The following MICU3 variants were observed in gnomAD, a reference collection of about 807,000 sequenced individuals.
MICU3 encodes calcium uptake protein 3, mitochondrial.
A neutral mutation model predicts 66.5 loss-of-function variants in MICU3; 62 were observed. The observed-to-expected ratio is 0.93, with a 90% CI of 0.76 to 1.15. MICU3 has a LOEUF of 1.15. Ranked by LOEUF, MICU3 falls within the 50% of genes most tolerant of loss-of-function variation. MICU3 has a pLI of 0.00. For synonymous variants in MICU3, 308 were observed against 240.7 expected (o/e 1.28, Z -2.59); for missense variants, 779 against 664.4 (o/e 1.17, Z -1.90).
At chr8:17,037,851 A>G (rs1436814289) in intron 1 of MICU3, among the ~76,000 whole-genome samples, 2 of 152,188 alleles carry the variant, frequency 1.3e-5, no homozygotes. Context: ...TGTGACCTGG[A>G]TGTGAGACAT....
chr8:17,042,392 T>C (rs955984886), intron 1 of MICU3, among the ~76,000 whole-genome samples: 3 of 152,240 alleles, frequency 2.0e-5, no homozygotes, highest in Non-Finnish European at 4.4e-5. Context: ...AAAATGTGTT[T>C]AAAAAATCAA....
intron 11 of MICU3, among the ~76,000 whole-genome samples, chr8:17,106,162 C>T (rs1185746309): frequency 6.6e-6 from 1 of 151,888 alleles, no homozygotes; most frequent in East Asian, 1.9e-4. Flanking sequence ...TGCATCATTG[C>T]CACCAAATAG....
At chr8:17,116,048 C>G (rs1390758058) in intron 12 of MICU3, among the ~76,000 whole-genome samples, 1 of 152,240 alleles carries the variant, frequency 6.6e-6, no homozygotes, top group Non-Finnish European at 1.5e-5. Flanking sequence ...GATCACTCAT[C>G]TCCAGATTCT....
intron 2 of MICU3, 27 bp downstream of exon 2, chr8:17,064,264 A>G: frequency 6.4e-7 from 1 of 1,560,174 alleles, no homozygotes; most frequent in Non-Finnish European, 8.7e-7. Flanking sequence ...AATTATCTTA[A>G]TAATTGTATA....
chr8:17,111,492 T>C (rs571227110), intron 11 of MICU3, among the ~76,000 whole-genome samples: 66 of 152,246 alleles, frequency 4.3e-4, no homozygotes, highest in African/African-American at 1.5e-3. Flanking sequence ...CAGCTAATTT[T>C]GATAGTGTTC....
At position 17,064,082 on chromosome 8, in the gene MICU3, A is replaced by G. The variant is rs1818297311; in HGVS notation, c.382-2A>G. The stretch of plus-strand genomic sequence containing the variant: ...CAAATGTATTTGCTTTCTTAACTTT[A>G]GGTTGCTATTGGCAGAACAGACATT... On this transcript the variant is annotated splice_acceptor_variant, in intron 1 of 14. Coordinates refer to ENST00000318063, the MANE Select transcript of MICU3 (RefSeq NM_181723.3). LOFTEE classifies it high-confidence loss of function. The G allele has an allele frequency of 2.5e-6, 4 of 1,606,192 alleles. No homozygotes were observed. Among genetic ancestry groups the G allele is most frequent in the Non-Finnish European group, 3.4e-6 (4 of 1,176,260 alleles).
At chr8:17,050,783 T>G (rs2048696234) in intron 1 of MICU3, among the ~76,000 whole-genome samples, 1 of 152,200 alleles carries the variant, frequency 6.6e-6, no homozygotes, top group African/African-American at 2.4e-5. Flanking sequence ...GGGTAATGTT[T>G]AACAGTGACT....
At chr8:17,062,200 G>A (rs72607367) in intron 1 of MICU3, among the ~76,000 whole-genome samples, 13,234 of 152,218 alleles carry the variant, frequency 0.087, 909 homozygotes, top group East Asian at 0.38. Flanking sequence ...AACTCCACAT[G>A]TTCATATCTT....
intron 3 of MICU3, among the ~76,000 whole-genome samples, chr8:17,076,747 ATGT>A (rs764212554): frequency 6.6e-6 from 1 of 152,202 alleles, no homozygotes; most frequent in Non-Finnish European, 1.5e-5. Flanking sequence ...AAATTAGAAG[ATGT>A]TGTTAAAAAT....
chr8:17,130,064 C>G, the MICU3 span, among the ~76,000 whole-genome samples: 1 of 152,006 alleles, frequency 6.6e-6, no homozygotes, highest in Non-Finnish European at 1.5e-5. Context: ...TAAATACTGT[C>G]GGAGAGAATG....
At chr8:17,131,294 T>C in the MICU3 span, 1 of 152,146 alleles carries the variant, frequency 6.6e-6, no homozygotes, top group Non-Finnish European at 1.5e-5. Flanking sequence ...CCAGATGTCT[T>C]TGGAAAGGGC....
chr8:17,033,819 G>A (rs1485050102), intron 1 of MICU3, among the ~76,000 whole-genome samples: 2 of 152,308 alleles, frequency 1.3e-5, no homozygotes, highest in South Asian at 2.1e-4. Flanking sequence ...TGGTTCATGA[G>A]ATTTAAGGAA....
intron 1 of MICU3, 50 bp from the exon 2 acceptor site, chr8:17,064,034 G>C: frequency 7.1e-7 from 1 of 1,414,944 alleles, no homozygotes; most frequent in Non-Finnish European, 9.8e-7. Context: ...ATCTTCTAGA[G>C]GGAGGTATTA....
chr8:17,028,022 G>A (rs1041597205), intron 1 of MICU3, among the ~76,000 whole-genome samples: 9 of 152,174 alleles, frequency 5.9e-5, no homozygotes, highest in African/African-American at 2.2e-4. Flanking sequence ...AGATTGCGCG[G>A]GGCGACAGCT....
chr8:17,048,584 A>G (rs968553209), intron 1 of MICU3, among the ~76,000 whole-genome samples: 1 of 152,140 alleles, frequency 6.6e-6, no homozygotes, highest in Non-Finnish European at 1.5e-5. Flanking sequence ...TGAGATTTTG[A>G]ATTGAATCTT....
rs1230298536 is a variant in MICU3 at position 17,104,770 on chromosome 8, C to T, written c.1085+279C>T. Among the ~76,000 whole-genome samples, 2 of 95,106 alleles carry T rather than the reference C, an allele frequency of 2.1e-5. 1 individual carries two copies. Among genetic ancestry groups the T allele is most frequent in the Admixed American group, 1.9e-4 (2 of 10,810 alleles). 62.4% of individuals were successfully genotyped at this position (95,106 alleles called of 152,430 possible). On this transcript the variant is annotated intron_variant, in intron 10 of 14. Coordinates refer to ENST00000318063, the MANE Select transcript of MICU3 (RefSeq NM_181723.3). ...CAGCACTTTGGGAGGCCGAGGCGGGCGGATCACGAGGTCAGGAGATCGAGA... is the reference window on the plus strand; with the variant it reads ...CAGCACTTTGGGAGGCCGAGGCGGGTGGATCACGAGGTCAGGAGATCGAGA...
chr8:17,127,125 A>G (rs946928786), downstream of MICU3, among the ~76,000 whole-genome samples: 4 of 152,206 alleles, frequency 2.6e-5, no homozygotes, highest in South Asian at 4.1e-4. Flanking sequence ...TTTTGAGTGT[A>G]TGCTATATCA....
the MICU3 span, among the ~76,000 whole-genome samples, chr8:17,127,718 C>T: frequency 3.3e-5 from 5 of 152,028 alleles, no homozygotes; most frequent in African/African-American, 9.7e-5. Context: ...TGTTATTTGA[C>T]TGATTAGCAA....
intron 11 of MICU3, among the ~76,000 whole-genome samples, chr8:17,111,031 G>T (rs1478962816): frequency 6.6e-6 from 1 of 152,016 alleles, no homozygotes; most frequent in Non-Finnish European, 1.5e-5. Flanking sequence ...TCTATCTTTG[G>T]CTGTTGTGAG....
Sources: allele counts gnomAD v4.1 joint callset (sites outside exome capture counted in the v4.1 genomes callset), GRCh38; gene constraint gnomAD v4.1.1; transcripts MANE v1.5; gene names NCBI Gene and HGNC (gene_info 2026-07-23, HGNC 2026-07-21).